The following ARAP2 variants were observed in gnomAD, a reference collection of about 807,000 sequenced individuals.
The protein encoded by ARAP2 is ArfGAP with RhoGAP domain, ankyrin repeat and PH domain 2.
A neutral mutation model predicts 194.5 loss-of-function variants in ARAP2; 148 were observed. The ratio of observed to expected loss-of-function variants is 0.76; its 90% CI spans 0.67 to 0.87. The LOEUF (loss-of-function observed/expected upper bound fraction) is 0.87. Among genes scored for constraint, ARAP2 ranks in the 40% least tolerant of loss-of-function variants. The pLI, the probability that ARAP2 is intolerant of heterozygous loss-of-function variation, is 0.00. For missense variants in ARAP2, 2,128 were observed against 1,989.7 expected (o/e 1.07, Z -1.32); for synonymous variants, 695 against 683.5 (o/e 1.02, Z -0.26).
chr4:36,034,366 G>A (rs1298621045), intron 5 of ARAP2, among the ~76,000 whole-genome samples: 1 of 152,000 alleles, frequency 6.6e-6, no homozygotes, highest in Non-Finnish European at 1.5e-5. Flanking sequence ...CACTTCCTTG[G>A]TTACAAGTAT....
At chr4:36,197,956 CCT>C (rs1017158103) in intron 6 of ARAP2, among the ~76,000 whole-genome samples, 2 of 151,244 alleles carry the variant, frequency 1.3e-5, no homozygotes, top group African/African-American at 4.9e-5. Context: ...CAGCTCTTCT[CCT>C]TGTTTTCACC....
intron 7 of ARAP2, among the ~76,000 whole-genome samples, chr4:36,192,375 C>T (rs1181202283): frequency 6.6e-6 from 1 of 152,112 alleles, no homozygotes; most frequent in Non-Finnish European, 1.5e-5. Flanking sequence ...GAGAGGTCCT[C>T]ATCTCTTCAC....
chr4:36,068,748 G>T (rs934988482), intron 32 of ARAP2, among the ~76,000 whole-genome samples: 2 of 152,172 alleles, frequency 1.3e-5, no homozygotes, highest in Non-Finnish European at 2.9e-5. Flanking sequence ...TTCTGAGCAC[G>T]TTTAAGCTAG....
At chr4:36,013,110 T>G (rs1714848031) in intron 8 of ARAP2, among the ~76,000 whole-genome samples, 1 of 152,220 alleles carries the variant, frequency 6.6e-6, no homozygotes, top group Non-Finnish European at 1.5e-5. Context: ...AAGTTTATTC[T>G]TGTTGCATTA....
At chr4:36,106,745 A>C (rs1718508707) in intron 27 of ARAP2, among the ~76,000 whole-genome samples, 1 of 151,932 alleles carries the variant, frequency 6.6e-6, no homozygotes, top group African/African-American at 2.4e-5. Flanking sequence ...TGTAAAATTC[A>C]AAAGGTAATA....
chr4:36,048,770 A>T (rs1310584291), intron 3 of ARAP2, among the ~76,000 whole-genome samples: 1 of 152,074 alleles, frequency 6.6e-6, no homozygotes, highest in East Asian at 1.9e-4. Context: ...GTTTTTCGAG[A>T]AATATCCAAA....
chr4:36,061,067 A>T (rs1307216225), downstream of ARAP2, among the ~76,000 whole-genome samples: 3 of 149,318 alleles, frequency 2.0e-5, no homozygotes, highest in South Asian at 6.3e-4. Context: ...TTTTTTAATT[A>T]AAAAAAAATT....
intron 6 of ARAP2, among the ~76,000 whole-genome samples, 193 bp downstream of exon 6, chr4:36,210,197 A>G (rs1746435416): frequency 1.3e-5 from 2 of 152,172 alleles, no homozygotes. Flanking sequence ...GCAGCATTGC[A>G]TTGCACATCT....
intron 7 of ARAP2, among the ~76,000 whole-genome samples, chr4:36,189,396 ATC>A (rs1291128871): frequency 1.3e-5 from 2 of 152,146 alleles, no homozygotes; most frequent in Non-Finnish European, 2.9e-5. Flanking sequence ...ATTATTCATC[ATC>A]TCTCTGTGTT....
chr4:36,005,467 T>A (rs538464342), intron 10 of ARAP2: 1 of 152,136 alleles, frequency 6.6e-6, no homozygotes, highest in Non-Finnish European at 1.5e-5. Context: ...AGTTATTAAA[T>A]ACTAAGTCAC....
rs146745669 is a variant in ARAP2 at position 36,148,469 on chromosome 4, C to T, written c.2936G>A (p.Arg979His). ...FIFEIYLPSE[R>H]VFLFGAETSQ... The stretch of plus-strand genomic sequence containing the variant: ...TGTTTCAGCTCCAAATAAAAACACA[C>T]GTTCGGAGGGTAAGTAGATCTCAAA... Residue 979 changes from arginine (R) to histidine (H), a missense_variant, in exon 17 of 33, where the codon CGT (arginine) becomes CAT (histidine). Transcript: ENST00000303965. 2.5e-4 allele frequency: 401 copies of T among 1,613,074 alleles called. 2 individuals are homozygous for T. In the East Asian group the frequency reaches 7.5e-3, roughly 30 times the overall value.
chr4:36,017,811 T>A (rs549560559), intron 6 of ARAP2, among the ~76,000 whole-genome samples: 77 of 152,094 alleles, frequency 5.1e-4, no homozygotes, highest in African/African-American at 1.8e-3. Context: ...GCTGAGGGGA[T>A]TTCTGAGCAG....
intron 21 of ARAP2, among the ~76,000 whole-genome samples, chr4:36,125,480 C>T (rs1255062363): frequency 6.6e-6 from 1 of 151,890 alleles, no homozygotes; most frequent in Non-Finnish European, 1.5e-5. Flanking sequence ...GTACAGTACC[C>T]CTTCGATCCA....
intron 8 of ARAP2, among the ~76,000 whole-genome samples, chr4:36,178,526 A>AGAG (rs1255262336): frequency 2.0e-5 from 3 of 152,116 alleles, no homozygotes; most frequent in Admixed American, 1.3e-4. Flanking sequence ...TTCCACTCTC[A>AGAG]CCACAGTAAA....
chr4:36,185,959 CA>C lies in ARAP2; in HGVS notation c.1678+1491del, dbSNP rs375912918. 3.3e-3 allele frequency among the ~76,000 whole-genome samples: 494 copies of C among 150,032 alleles called. 2 individuals carry two copies. Among genetic ancestry groups the C allele is most frequent in the African/African-American group, 8.7e-3 (353 of 40,530 alleles). ...CGCCATTGCACTCAAGCTTGGGCAA[CA>C]AGAGTGAAACTCTGTCTCAAAAAAA... is the stretch of plus-strand genomic sequence containing the variant. On this transcript the variant is annotated intron_variant, in intron 8 of 32. Coordinates refer to ENST00000303965, the MANE Select transcript of ARAP2 (RefSeq NM_015230.4).
chr4:36,203,692 G>C (rs187235344), intron 6 of ARAP2, among the ~76,000 whole-genome samples: 3 of 152,128 alleles, frequency 2.0e-5, no homozygotes, highest in Admixed American at 2.0e-4. Flanking sequence ...CTTCTGTATG[G>C]AAATACATTA....
At chr4:36,147,253 C>T (rs754637964) in intron 19 of ARAP2, 43 bp downstream of exon 19, 13 of 1,559,094 alleles carry the variant, frequency 8.3e-6, no homozygotes, top group Admixed American at 1.7e-5. Flanking sequence ...TCCCGCTGCC[C>T]AGAGTTGTTG....
intron 2 of ARAP2, among the ~76,000 whole-genome samples, chr4:36,227,776 A>G (rs1027021037): frequency 2.0e-5 from 3 of 152,210 alleles, no homozygotes; most frequent in Admixed American, 1.3e-4. Context: ...TAATGGGAAA[A>G]GCAATATCCT....
At chr4:36,025,115 T>C (rs58932685) in intron 5 of ARAP2, among the ~76,000 whole-genome samples, 15,976 of 152,176 alleles carry the variant, frequency 0.1, 911 homozygotes, top group African/African-American at 0.12. Flanking sequence ...CAAAAAGAAT[T>C]ATTAAATGAT....
Sources: allele counts gnomAD v4.1 joint callset (sites outside exome capture counted in the v4.1 genomes callset), GRCh38; gene constraint gnomAD v4.1.1; transcripts MANE v1.5; gene names NCBI Gene and HGNC (gene_info 2026-07-23, HGNC 2026-07-21).